ATP10D: variants seen among roughly 807,000 people sequenced by gnomAD.
ATP10D encodes the protein ATPase phospholipid transporting 10D (putative).
A neutral mutation model predicts 144.8 loss-of-function variants in ATP10D; 89 were observed. The observed-to-expected ratio is 0.61, with a 90% confidence interval of 0.52 to 0.73. ATP10D has a LOEUF of 0.73. Among genes scored for constraint, ATP10D ranks in the 30% least tolerant of loss-of-function variants. The pLI is 0.00. For missense variants in ATP10D, 1,603 were observed against 1,714.8 expected (o/e 0.93, Z 1.15); for synonymous variants, 571 against 615.1 (o/e 0.93, Z 1.06).
chr4:47,581,033 A>C (rs1720489908), intron 20 of ATP10D, among the ~76,000 whole-genome samples: 1 of 152,196 alleles, frequency 6.6e-6, no homozygotes, highest in Admixed American at 6.5e-5. Context: ...ACTGCACTCC[A>C]GCCTAGACAA....
chr4:47,584,889 T>C (rs894364081), intron 21 of ATP10D, among the ~76,000 whole-genome samples: 1 of 152,198 alleles, frequency 6.6e-6, no homozygotes, highest in Non-Finnish European at 1.5e-5. Context: ...TGAAGGTATC[T>C]GCCATGGGGA....
intron 1 of ATP10D, among the ~76,000 whole-genome samples, chr4:47,490,037 G>A (rs930527274): frequency 1.3e-5 from 2 of 152,036 alleles, no homozygotes; most frequent in South Asian, 2.1e-4. Context: ...AATTTTCTTG[G>A]TTATGAGAAG....
intron 1 of ATP10D, among the ~76,000 whole-genome samples, chr4:47,509,951 T>TGTGC (rs910717066): frequency 5.3e-5 from 7 of 132,426 alleles, no homozygotes; most frequent in Non-Finnish European, 1.1e-4. Flanking sequence ...GGGGTGTGTG[T>TGTGC]GTGTGTGTGT....
chr4:47,505,763 G>GA (rs577753173), intron 1 of ATP10D, among the ~76,000 whole-genome samples: 27 of 145,906 alleles, frequency 1.9e-4, no homozygotes, highest in South Asian at 4.4e-4. Context: ...AAGAAAAAAA[G>GA]AAAAAAAAAA....
rs373358503 is a variant in ATP10D, at chr4:47,536,536, T to C, written c.1115T>C (p.Met372Thr). The C allele has an allele frequency of 6.2e-7, 1 of 1,613,102 alleles. No individual in the cohort carries two copies. The highest frequency in any genetic ancestry group is 8.5e-7 in the Non-Finnish European group (1 of 1,179,630). The change falls in exon 8 of 23, where the codon ATG becomes ACG. Residue 372 changes from methionine (M) to threonine (T), a missense_variant. Physicochemically the swap from Met to Thr is moderately conservative, Grantham distance 81. Transcript: ENST00000273859. ...IISPLLAGFY[M>T]FWTMIILLQV... ...TCACCACTGTTGGCAGGATTTTATA[T>C]GTTTTGGACCATGATCATTTTGTTA...
chr4:47,577,574 G>GTTGTCA (rs1445866877), intron 19 of ATP10D, among the ~76,000 whole-genome samples: 1 of 152,124 alleles, frequency 6.6e-6, no homozygotes, highest in Non-Finnish European at 1.5e-5. Flanking sequence ...AGCTCTCAAT[G>GTTGTCA]TTGTCATTTT....
chr4:47,556,421 A>C (rs990767813), intron 11 of ATP10D, among the ~76,000 whole-genome samples: 30 of 152,180 alleles, frequency 2.0e-4, no homozygotes, highest in Admixed American at 4.6e-4. Flanking sequence ...TCTTTTCCCC[A>C]AAAAATATTT....
In ATP10D at chr4:47,525,548, T is replaced by A; in HGVS notation, c.691-9T>A. ...AATTCTTATTTTGTGATTCAAAAAA[T>A]ATTTTTAGGACTCTGAAGTTGATCC... On this transcript the variant is annotated splice_polypyrimidine_tract_variant and intron_variant, in intron 4 of 22. Transcript: ENST00000273859. The A allele has an allele frequency of 6.3e-7, 1 of 1,599,412 alleles. No individual in the cohort carries two copies. The highest frequency in any genetic ancestry group is 1.7e-5 in the Admixed American group (1 of 59,802).
In ATP10D at chr4:47,593,224, A is replaced by G. The variant is rs544588675; in HGVS notation, c.*1843A>G. The G allele has an allele frequency of 6.6e-6, 1 of 152,138 alleles. No individual in the cohort carries two copies. The highest frequency in any genetic ancestry group is 2.4e-5 in the African/African-American group (1 of 41,442). 9.4% of individuals were successfully genotyped at this position (152,138 alleles called of 1,614,324 possible). ...TCTGTACATATGAATAGAGGAAAAT[A>G]CTGAGTGCTAATGTTACAGGGCCAC... On this transcript the variant is annotated 3_prime_UTR_variant, in exon 23 of 23. Coordinates refer to ENST00000273859, the MANE Select transcript of ATP10D (RefSeq NM_020453.4).
intron 22 of ATP10D, among the ~76,000 whole-genome samples, chr4:47,590,741 C>A (rs1720989288): frequency 6.6e-6 from 1 of 152,034 alleles, no homozygotes; most frequent in Non-Finnish European, 1.5e-5. Context: ...TCTCATTTAA[C>A]CTAACATTAA....
intron 1 of ATP10D, among the ~76,000 whole-genome samples, chr4:47,486,209 C>CAGCA (rs1714750732): frequency 6.6e-6 from 1 of 152,192 alleles, no homozygotes; most frequent in Non-Finnish European, 1.5e-5. Flanking sequence ...TTACCACGTA[C>CAGCA]AGCAGAGAGA....
rs1213492926 is a variant in ATP10D at position 47,502,826 on chromosome 4, T to A, written c.-37-9678T>A. On this transcript the variant is annotated intron_variant, in intron 1 of 22. Coordinates refer to ENST00000273859, the MANE Select transcript of ATP10D (RefSeq NM_020453.4). ...TCTAGTATGAAACAATGCATCTAGA[T>A]ACCACATTCTACTTTTATATGTCTT... is the stretch of plus-strand genomic sequence containing the variant. Among the ~76,000 whole-genome samples the A allele has an allele frequency of 2.6e-5, 4 of 152,118 alleles. No individual in the cohort carries two copies. In the East Asian group the frequency reaches 7.7e-4, roughly 29 times the overall value.
chr4:47,580,216 C>A (rs184419571), intron 19 of ATP10D, among the ~76,000 whole-genome samples, 182 bp from the exon 20 acceptor site: 8 of 152,190 alleles, frequency 5.3e-5, no homozygotes, highest in Non-Finnish European at 1.2e-4. Flanking sequence ...GGATTTTTTT[C>A]ATCATGTTTA....
intron 9 of ATP10D, among the ~76,000 whole-genome samples, chr4:47,542,554 T>G (rs528477371): frequency 6.6e-6 from 1 of 152,330 alleles, no homozygotes; most frequent in South Asian, 2.1e-4. Flanking sequence ...CTTGGCTCAC[T>G]GCAACCCCTG....
chr4:47,518,264 T>C (rs1716782694), intron 3 of ATP10D, among the ~76,000 whole-genome samples: 1 of 152,194 alleles, frequency 6.6e-6, no homozygotes. Flanking sequence ...CACAAGGCGC[T>C]TAATTTTCTA....
At chr4:47,508,116 G>A (rs921870256) in intron 1 of ATP10D, among the ~76,000 whole-genome samples, 1 of 152,158 alleles carries the variant, frequency 6.6e-6, no homozygotes, top group Non-Finnish European at 1.5e-5. Flanking sequence ...TTATCAGGGG[G>A]TCTTGGGCAA....
chr4:47,560,671 A>G (rs1001643844), intron 13 of ATP10D, among the ~76,000 whole-genome samples: 2 of 152,204 alleles, frequency 1.3e-5, no homozygotes, highest in Admixed American at 6.5e-5. Context: ...TTCTGATTTA[A>G]TTAAAGACAT....
intron 20 of ATP10D, 106 bp from the exon 21 acceptor site, chr4:47,581,854 G>C: frequency 1.2e-6 from 1 of 827,962 alleles, no homozygotes; most frequent in Non-Finnish European, 2.0e-6. Context: ...AGTTCACAGG[G>C]ACCTTGTAGA....
intron 3 of ATP10D, among the ~76,000 whole-genome samples, chr4:47,520,629 C>T (rs549448610): frequency 1.5e-3 from 227 of 152,074 alleles, no homozygotes; most frequent in Non-Finnish European, 2.5e-3. Flanking sequence ...AGTGCAGTGG[C>T]GCAACCTTGG....
Sources: allele counts gnomAD v4.1 joint callset (sites outside exome capture counted in the v4.1 genomes callset), GRCh38; gene constraint gnomAD v4.1.1; transcripts MANE v1.5; gene names NCBI Gene and HGNC (gene_info 2026-07-23, HGNC 2026-07-21).